The following ADAM18 variants were observed in gnomAD, a reference collection of about 807,000 sequenced individuals.
ADAM18 encodes disintegrin and metalloproteinase domain-containing protein 18.
ADAM18 carries 117 observed loss-of-function variants against 94.4 expected under a neutral mutation model. The ratio of observed to expected loss-of-function variants is 1.24; its 90% CI spans 1.07 to 1.45. ADAM18 has a LOEUF of 1.45. Among genes scored for constraint, ADAM18 ranks in the 40% most tolerant of loss-of-function variants. ADAM18 has a pLI of 0.00. For missense variants in ADAM18, 936 were observed against 880.0 expected (o/e 1.06, Z -0.81); for synonymous variants, 327 against 291.6 (o/e 1.12, Z -1.24).
intron 2 of ADAM18, among the ~76,000 whole-genome samples, chr8:39,586,806 C>CTA (rs796394217): frequency 0.04 from 4,620 of 114,390 alleles, 86 homozygotes; most frequent in Admixed American, 0.055. Flanking sequence ...CTATCTATAT[C>CTA]TATCTATCTA....
chr8:39,609,239 G>A, intron 4 of ADAM18, 119 bp downstream of exon 4: 1 of 805,402 alleles, frequency 1.2e-6, no homozygotes, highest in Non-Finnish European at 1.9e-6. Flanking sequence ...ACTGACTTTT[G>A]TACATAGAAA....
chr8:39,650,065 T>G (rs777439218), intron 12 of ADAM18, among the ~76,000 whole-genome samples: 21 of 152,190 alleles, frequency 1.4e-4, no homozygotes, highest in Admixed American at 2.6e-4. Flanking sequence ...AGAAAACGTT[T>G]GTTAATCAAA....
chr8:39,596,042 G>C (rs1389358718), intron 2 of ADAM18, among the ~76,000 whole-genome samples: 2 of 152,198 alleles, frequency 1.3e-5, no homozygotes, highest in East Asian at 3.8e-4. Context: ...TAAACTGTGT[G>C]TGTGGTGTTT....
At chr8:39,656,325 AT>A (rs1356532802) in intron 12 of ADAM18, among the ~76,000 whole-genome samples, 17 of 152,280 alleles carry the variant, frequency 1.1e-4, no homozygotes, top group African/African-American at 4.1e-4. Context: ...GGAATCTAGA[AT>A]AGACCTACAT....
intron 14 of ADAM18, 147 bp downstream of exon 14, chr8:39,668,343 A>G (rs1821053609): frequency 1.3e-6 from 1 of 755,862 alleles, no homozygotes; most frequent in Non-Finnish European, 2.0e-6. Flanking sequence ...GTAGTTTTTT[A>G]AGAGTATCTG....
intron 7 of ADAM18, 59 bp downstream of exon 7, chr8:39,629,498 C>G: frequency 2.6e-6 from 3 of 1,137,594 alleles, no homozygotes; most frequent in Non-Finnish European, 3.8e-6. Flanking sequence ...CAAGAAAGAA[C>G]TTTCCTTCTT....
At chr8:39,595,459 T>A (rs1037886064) in intron 2 of ADAM18, among the ~76,000 whole-genome samples, 22 of 152,298 alleles carry the variant, frequency 1.4e-4, no homozygotes, top group Admixed American at 2.0e-4. Flanking sequence ...ACTGTTTTTA[T>A]TTTTTATTTT....
intron 12 of ADAM18, among the ~76,000 whole-genome samples, chr8:39,662,422 G>A (rs1188481003): frequency 6.6e-6 from 1 of 152,008 alleles, no homozygotes; most frequent in Non-Finnish European, 1.5e-5. Context: ...GCATACATAT[G>A]AAAAAGTGTG....
chr8:39,692,856 C>G (rs137980362), intron 17 of ADAM18, among the ~76,000 whole-genome samples, 176 bp downstream of exon 17: 1 of 151,544 alleles, frequency 6.6e-6, no homozygotes, highest in Non-Finnish European at 1.5e-5. Context: ...GTACCAGATA[C>G]GTATTGAACT....
Position 39,609,033 on chromosome 8 carries a change from GT to G in ADAM18, c.189-3del. 1.3e-6 allele frequency: 2 copies of G among 1,493,950 alleles called. No homozygotes were observed. The highest frequency in any genetic ancestry group is 1.8e-6 in the Non-Finnish European group (2 of 1,096,928). The allele number at this position is 1,493,950 out of a possible 1,614,324, so 92.5% of individuals were successfully genotyped here. A position where few individuals can be genotyped will look rare whatever the true frequency, so the allele number is the denominator to read the frequency against. On this transcript the variant is annotated splice_region_variant and splice_polypyrimidine_tract_variant and intron_variant, in intron 3 of 19. Coordinates refer to ENST00000265707, the MANE Select transcript of ADAM18 (RefSeq NM_014237.3). ...ATTCATACTTTTTTATTATTTCTTG[GT>G]TTTTTAGATCATTCTTACCCCAGAA...
At chr8:39,649,326 CAT>C (rs1477371330) in intron 12 of ADAM18, among the ~76,000 whole-genome samples, 4 of 151,966 alleles carry the variant, frequency 2.6e-5, no homozygotes, top group African/African-American at 4.8e-5. Context: ...TATACACACA[CAT>C]ATATCACACT....
chr8:39,682,824 A>G (rs552997302), intron 16 of ADAM18, among the ~76,000 whole-genome samples: 1 of 152,332 alleles, frequency 6.6e-6, no homozygotes, highest in South Asian at 2.1e-4. Context: ...ATGAAGAAAT[A>G]GGCTTTGAAC....
At chr8:39,718,092 C>A (rs1822630254) in intron 18 of ADAM18, among the ~76,000 whole-genome samples, 1 of 151,464 alleles carries the variant, frequency 6.6e-6, no homozygotes, top group African/African-American at 2.4e-5. Context: ...ATGTGAAGAA[C>A]TTGGGACCCT....
chr8:39,673,011 T>G (rs918233387), intron 14 of ADAM18, among the ~76,000 whole-genome samples: 28 of 152,316 alleles, frequency 1.8e-4, no homozygotes, highest in African/African-American at 6.3e-4. Flanking sequence ...TAATAGTTTG[T>G]GCAATTCCCT....
At chr8:39,593,211 T>C (rs1240727156) in intron 2 of ADAM18, among the ~76,000 whole-genome samples, 1 of 152,220 alleles carries the variant, frequency 6.6e-6, no homozygotes, top group African/African-American at 2.4e-5. Context: ...TTTGATTGTC[T>C]ATCCAGACGA....
intron 17 of ADAM18, among the ~76,000 whole-genome samples, chr8:39,693,514 C>A (rs527393755): frequency 6.6e-6 from 1 of 151,090 alleles, no homozygotes; most frequent in Non-Finnish European, 1.5e-5. Context: ...TGCAATATCT[C>A]AACACAAAGT....
chr8:39,718,943 A>G (rs761709504), intron 18 of ADAM18, among the ~76,000 whole-genome samples: 5 of 151,356 alleles, frequency 3.3e-5, no homozygotes, highest in Non-Finnish European at 7.4e-5. Flanking sequence ...ATATAAGAAA[A>G]TTTCTGTCAA....
chr8:39,595,399 C>T (rs1403108201), intron 2 of ADAM18, among the ~76,000 whole-genome samples: 1 of 152,206 alleles, frequency 6.6e-6, no homozygotes, highest in Non-Finnish European at 1.5e-5. Context: ...AGGTTGCTGT[C>T]TTCTCCAGCA....
intron 12 of ADAM18, among the ~76,000 whole-genome samples, chr8:39,653,297 A>G (rs1001292920): frequency 1.3e-5 from 2 of 152,240 alleles, no homozygotes; most frequent in African/African-American, 2.4e-5. Flanking sequence ...TCGATTTTTT[A>G]AAAAATGTAT....
Sources: allele counts gnomAD v4.1 joint callset (sites outside exome capture counted in the v4.1 genomes callset), GRCh38; gene constraint gnomAD v4.1.1; transcripts MANE v1.5; gene names NCBI Gene and HGNC (gene_info 2026-07-23, HGNC 2026-07-21).